Variants in GALNT10 observed in about 807,000 individuals in gnomAD.
GALNT10 encodes polypeptide N-acetylgalactosaminyltransferase 10.
GALNT10 carries 41 observed loss-of-function variants against 75.0 expected under a neutral mutation model. That is an observed-to-expected ratio of 0.55 (90% CI 0.43 to 0.71). The LOEUF is 0.71. GALNT10 is among the 30% of genes least tolerant of loss of function. GALNT10 has a pLI of 0.00. For missense variants in GALNT10, 727 were observed against 818.5 expected, an observed-to-expected ratio of 0.89 and a Z score of 1.36; for synonymous variants, 302 against 313.0, an observed-to-expected ratio of 0.96 and a Z score of 0.37.
chr5:154,349,748 C>T lies in GALNT10; in HGVS notation c.568+20010C>T, dbSNP rs529478722. ...TCTGAAAAAAAAAAATTTTTTTTAG[C>T]TTTCAGTATGTTAGTGTTTATGAGT... On this transcript the variant is annotated intron_variant, in intron 4 of 11. Coordinates refer to ENST00000297107, the MANE Select transcript of GALNT10 (RefSeq NM_198321.4). The T allele has an allele frequency of 3.9e-5, 6 of 152,150 alleles. No homozygotes were observed. The South Asian group carries it at 1.2e-3, about 32-fold the overall frequency. 9.4% of individuals were successfully genotyped at this position (152,150 alleles called of 1,614,324 possible). A position where few individuals can be genotyped will look rare whatever the true frequency, so the allele number is the denominator to read the frequency against.
At chr5:154,305,958 CA>C (rs1452902963) in intron 3 of GALNT10, among the ~76,000 whole-genome samples, 139 of 152,268 alleles carry the variant, frequency 9.1e-4, no homozygotes, top group African/African-American at 3.2e-3. Context: ...GCAGAAGCTG[CA>C]GTGAGCCGAG....
At chr5:154,414,700 T>G (rs780638309) in intron 10 of GALNT10, among the ~76,000 whole-genome samples, 6 of 152,056 alleles carry the variant, frequency 3.9e-5, no homozygotes, top group Non-Finnish European at 4.4e-5. Context: ...TATGTCAAGA[T>G]GTATCAAATT....
At chr5:154,211,580 G>A (rs965715887) in intron 1 of GALNT10, among the ~76,000 whole-genome samples, 8 of 152,140 alleles carry the variant, frequency 5.3e-5, no homozygotes, top group Admixed American at 1.3e-4. Flanking sequence ...ATGTGGTAGC[G>A]TAACACAACA....
intron 1 of GALNT10, among the ~76,000 whole-genome samples, chr5:154,208,288 G>A (rs894800756): frequency 4.6e-5 from 7 of 152,112 alleles, no homozygotes; most frequent in African/African-American, 1.4e-4. Flanking sequence ...CATGCCATAG[G>A]TGGAGTGAGC....
chr5:154,278,846 G>A (rs982639527), intron 1 of GALNT10, among the ~76,000 whole-genome samples: 1 of 152,102 alleles, frequency 6.6e-6, no homozygotes, highest in African/African-American at 2.4e-5. Flanking sequence ...TATGGTCAAG[G>A]TCTATCCATG....
At chr5:154,281,017 G>A (rs1411078932) in intron 1 of GALNT10, among the ~76,000 whole-genome samples, 4 of 152,144 alleles carry the variant, frequency 2.6e-5, no homozygotes, top group Non-Finnish European at 5.9e-5. Flanking sequence ...TGTATCCCAG[G>A]AGTGCCTTGA....
At chr5:154,287,162 T>G (rs1405459307) in intron 1 of GALNT10, among the ~76,000 whole-genome samples, 1 of 152,204 alleles carries the variant, frequency 6.6e-6, no homozygotes, top group African/African-American at 2.4e-5. Flanking sequence ...GTAACGTATT[T>G]TATTCTTGGA....
At chr5:154,205,702 T>C (rs1330618536) in intron 1 of GALNT10, among the ~76,000 whole-genome samples, 2 of 152,166 alleles carry the variant, frequency 1.3e-5, no homozygotes, top group Non-Finnish European at 2.9e-5. Flanking sequence ...CTGACTGATA[T>C]CCTTATAAGA....
rs1271835876 is a variant in GALNT10 at position 154,412,035 on chromosome 5, G to A, written c.1387-854G>A. On this transcript the variant is annotated intron_variant, in intron 9 of 11. Coordinates refer to ENST00000297107, the MANE Select transcript of GALNT10 (RefSeq NM_198321.4). This position sits in a 1 kb window ranked among gnomAD's most constrained non-coding sequence, Gnocchi z 4.2. ...GGAGTTCAACATCTCGCAAGAGTGGGTCTGCCTCACCCATTGGCTGGGATC... is the reference window on the plus strand; with the variant it reads ...GGAGTTCAACATCTCGCAAGAGTGGATCTGCCTCACCCATTGGCTGGGATC... 6.6e-6 allele frequency among the ~76,000 whole-genome samples: 1 copy of A among 152,182 alleles called. No individual in the cohort carries two copies. Among genetic ancestry groups the A allele is most frequent in the Non-Finnish European group, 1.5e-5 (1 of 68,030 alleles).
At chr5:154,357,217 C>A (rs1284351766) in intron 4 of GALNT10, among the ~76,000 whole-genome samples, 1 of 152,056 alleles carries the variant, frequency 6.6e-6, no homozygotes. Flanking sequence ...CAACAGCCTG[C>A]AAAGATGATT....
At chr5:154,330,306 T>G (rs1217954975) in intron 4 of GALNT10, among the ~76,000 whole-genome samples, 1 of 152,242 alleles carries the variant, frequency 6.6e-6, no homozygotes, top group African/African-American at 2.4e-5. Flanking sequence ...TGGGCACCCC[T>G]ATCTGCAAGG....
Position 154,412,329 on chromosome 5 carries a change from T to C in GALNT10, c.1387-560T>C, listed in dbSNP as rs1362560518. Reference sequence around the variant, plus strand: ...GCTTCAGACTCCTAGCCCAGTGCTCTTCCCACCACACCCGTCTTCATGGTT... The same window carrying C: ...GCTTCAGACTCCTAGCCCAGTGCTCCTCCCACCACACCCGTCTTCATGGTT... On this transcript the variant is annotated intron_variant, in intron 9 of 11. Coordinates refer to ENST00000297107, the MANE Select transcript of GALNT10 (RefSeq NM_198321.4). This position sits in a 1 kb window ranked among gnomAD's most constrained non-coding sequence, Gnocchi z 4.2. Among the ~76,000 whole-genome samples, 4 of 152,166 alleles carry C rather than the reference T, an allele frequency of 2.6e-5. No individual in the cohort carries two copies. Among genetic ancestry groups the C allele is most frequent in the Non-Finnish European group, 5.9e-5 (4 of 68,020 alleles).
At chr5:154,405,563 T>C (rs1756262184) in intron 8 of GALNT10, among the ~76,000 whole-genome samples, 1 of 152,014 alleles carries the variant, frequency 6.6e-6, no homozygotes, top group Non-Finnish European at 1.5e-5. Context: ...GCACGCTCTC[T>C]CGGTACGCCC....
intron 4 of GALNT10, among the ~76,000 whole-genome samples, chr5:154,335,972 T>G (rs1754939839): frequency 6.6e-6 from 1 of 152,238 alleles, no homozygotes; most frequent in Non-Finnish European, 1.5e-5. Flanking sequence ...AAATCCTCTG[T>G]GCTCCACCTG....
intron 1 of GALNT10, among the ~76,000 whole-genome samples, chr5:154,195,321 A>G (rs1774919980): frequency 6.6e-6 from 1 of 152,170 alleles, no homozygotes; most frequent in South Asian, 2.1e-4. Flanking sequence ...TGCATCCCAT[A>G]TATGTGTCAG....
chr5:154,293,677 T>A (rs1265417629), intron 1 of GALNT10, among the ~76,000 whole-genome samples: 1 of 151,214 alleles, frequency 6.6e-6, no homozygotes, highest in Non-Finnish European at 1.5e-5. Context: ...TTGCCACATG[T>A]TTATTCTCTT....
At chr5:154,225,640 G>A (rs1753051280) in intron 1 of GALNT10, among the ~76,000 whole-genome samples, 1 of 132,834 alleles carries the variant, frequency 7.5e-6, no homozygotes, top group South Asian at 2.5e-4. Context: ...CTGAGCTCAA[G>A]CGATCCTCCC....
chr5:154,201,612 G>A (rs945647304), intron 1 of GALNT10, among the ~76,000 whole-genome samples: 7 of 151,910 alleles, frequency 4.6e-5, no homozygotes, highest in Admixed American at 2.6e-4. Flanking sequence ...GCCATGTCAG[G>A]GGCTGCTCTA....
intron 1 of GALNT10, among the ~76,000 whole-genome samples, chr5:154,198,623 G>A (rs1774981577): frequency 6.6e-6 from 1 of 152,208 alleles, no homozygotes; most frequent in South Asian, 2.1e-4. Flanking sequence ...CCCTCTTCCT[G>A]AAACTTCGGA....
Sources: allele counts gnomAD v4.1 joint callset (sites outside exome capture counted in the v4.1 genomes callset), GRCh38; gene constraint gnomAD v4.1.1; non-coding constraint Gnocchi (gnomAD v3.1); transcripts MANE v1.5; gene names NCBI Gene and HGNC (gene_info 2026-07-23, HGNC 2026-07-21).